The following SPINK14 variants were observed in gnomAD, a reference collection of about 807,000 sequenced individuals.
SPINK14 encodes the protein serine peptidase inhibitor Kazal type 14 (putative).
A neutral mutation model predicts 14.2 loss-of-function variants in SPINK14; 6 were observed. The observed-to-expected ratio is 0.42, with a 90% CI of 0.23 to 0.83. SPINK14 has a LOEUF of 0.83. Ranked by LOEUF, SPINK14 falls within the 40% of genes least tolerant of loss-of-function variation. The pLI is 0.28. For synonymous variants in SPINK14, 34 were observed against 36.8 expected, an observed-to-expected ratio of 0.92 and a Z score of 0.27; for missense variants, 86 against 108.3, an observed-to-expected ratio of 0.79 and a Z score of 0.91.
intron 1 of SPINK14, among the ~76,000 whole-genome samples, chr5:148,169,054 C>T (rs924751997): frequency 6.6e-6 from 1 of 152,056 alleles, no homozygotes; most frequent in Non-Finnish European, 1.5e-5. Flanking sequence ...AAGTCCATCC[C>T]GAGGGAGGAT....
intron 3 of SPINK14, among the ~76,000 whole-genome samples, chr5:148,171,546 A>G (rs949368482): frequency 6.6e-6 from 1 of 152,166 alleles, no homozygotes; most frequent in African/African-American, 2.4e-5. Flanking sequence ...TGTGAGGTCA[A>G]TCGATATTTG....
chr5:148,169,046 G>C (rs1326320049), intron 1 of SPINK14, among the ~76,000 whole-genome samples: 1 of 152,116 alleles, frequency 6.6e-6, no homozygotes, highest in Non-Finnish European at 1.5e-5. Flanking sequence ...TACAAGGAAA[G>C]TCCATCCCGA....
chr5:148,169,977 T>TATATG (rs1561720334), intron 2 of SPINK14, among the ~76,000 whole-genome samples, 178 bp downstream of exon 2: 1 of 106,328 alleles, frequency 9.4e-6, no homozygotes, highest in African/African-American at 3.3e-5. Flanking sequence ...ATATATATAT[T>TATATG]TATATATATA....
chr5:148,175,055 A>G lies in SPINK14; in HGVS notation c.249-298A>G, dbSNP rs1229227043. On this transcript the variant is annotated intron_variant, in intron 4 of 4. Transcript: ENST00000356972. ...AGCCAAAGTGTGAGAGTATTAACAGAATAGTTGAGGATTGACATGCCTCAC... is the reference window on the plus strand; with the variant it reads ...AGCCAAAGTGTGAGAGTATTAACAGGATAGTTGAGGATTGACATGCCTCAC... 6.3e-5 allele frequency among the ~76,000 whole-genome samples: 2 copies of G among 31,746 alleles called. 1 individual carries two copies. The highest frequency in any genetic ancestry group is 1.1e-3 in the East Asian group (2 of 1,800). 20.8% of individuals were successfully genotyped at this position (31,746 alleles called of 152,430 possible).
chr5:148,170,440 C>T (rs1755090095), intron 2 of SPINK14, among the ~76,000 whole-genome samples: 2 of 151,978 alleles, frequency 1.3e-5, no homozygotes, highest in Admixed American at 6.6e-5. Flanking sequence ...ATCTTTTGTG[C>T]CCTCTTCTAG....
chr5:148,173,213 G>T (rs1388644274), intron 3 of SPINK14, among the ~76,000 whole-genome samples: 1 of 151,882 alleles, frequency 6.6e-6, no homozygotes, highest in Non-Finnish European at 1.5e-5. Context: ...CCTACTTTGT[G>T]CGTGAGGTAT....
chr5:148,171,963 T>A (rs1393582342), intron 3 of SPINK14, among the ~76,000 whole-genome samples: 1 of 152,166 alleles, frequency 6.6e-6, no homozygotes, highest in African/African-American at 2.4e-5. Flanking sequence ...TTATTTTCTT[T>A]AAAAAATATT....
chr5:148,170,548 G>C (rs1356174240), intron 2 of SPINK14, among the ~76,000 whole-genome samples: 1 of 151,952 alleles, frequency 6.6e-6, no homozygotes, highest in African/African-American at 2.4e-5. Context: ...GTATTACCCA[G>C]GTGTCTTTCA....
At chr5:148,170,224 A>AGG (rs1561720539) in intron 2 of SPINK14, among the ~76,000 whole-genome samples, 33 of 150,838 alleles carry the variant, frequency 2.2e-4, no homozygotes, top group African/African-American at 7.8e-4. Flanking sequence ...AGAGAGAGAG[A>AGG]GTCTAAAAGA....
At chr5:148,168,978 G>T (rs1008050252) in intron 1 of SPINK14, among the ~76,000 whole-genome samples, 3 of 152,132 alleles carry the variant, frequency 2.0e-5, no homozygotes, top group Non-Finnish European at 4.4e-5. Context: ...AGTTAAATGT[G>T]GTCCTTGGTC....
intron 2 of SPINK14, among the ~76,000 whole-genome samples, chr5:148,170,167 T>TACACACAC (rs1377265238): frequency 7.0e-4 from 69 of 99,246 alleles, no homozygotes; most frequent in African/African-American, 1.9e-3. Context: ...AGTATATATA[T>TACACACAC]ATATATACAC....
intron 4 of SPINK14, 92 bp from the exon 5 acceptor site, chr5:148,175,261 A>C: frequency 1.2e-6 from 1 of 835,106 alleles, no homozygotes; most frequent in Non-Finnish European, 1.9e-6. Flanking sequence ...TCCAAATATA[A>C]AACCAGGTTT....
intron 2 of SPINK14, among the ~76,000 whole-genome samples, chr5:148,170,173 T>TATACAC (rs1554109827): frequency 3.0e-5 from 4 of 133,848 alleles, no homozygotes; most frequent in African/African-American, 1.2e-4. Flanking sequence ...TATATATATA[T>TATACAC]ACACACACAC....
chr5:148,174,941 G>A (rs1281927659), intron 4 of SPINK14, among the ~76,000 whole-genome samples: 1 of 152,076 alleles, frequency 6.6e-6, no homozygotes, highest in African/African-American at 2.4e-5. Flanking sequence ...TCAGATTGGA[G>A]CTCTTAGCCC....
chr5:148,171,364 G>T (rs542184766), intron 3 of SPINK14, among the ~76,000 whole-genome samples: 2 of 152,244 alleles, frequency 1.3e-5, no homozygotes, highest in South Asian at 4.1e-4. Context: ...GATGTACAGA[G>T]AATGCCTATG....
Position 148,175,440 on chromosome 5 carries a change from CCT to C in SPINK14, c.*44_*45del. 6.9e-6 allele frequency: 2 copies of C among 288,202 alleles called. No homozygotes were observed. The highest frequency in any genetic ancestry group is 5.4e-5 in the South Asian group (1 of 18,382). The allele number at this position is 288,202 out of a possible 1,614,324, so 17.9% of individuals were successfully genotyped here. On this transcript the variant is annotated 3_prime_UTR_variant, in exon 5 of 5. Transcript: ENST00000356972. ...GTGGAAGATATCTTCTTTTTTTTTTCCTCCATGTCTCCAATCTCCCTCTTGCG... is the reference window on the plus strand; with the variant it reads ...GTGGAAGATATCTTCTTTTTTTTTTCCCATGTCTCCAATCTCCCTCTTGCG...
intron 2 of SPINK14, among the ~76,000 whole-genome samples, chr5:148,170,519 A>T (rs1338004149): frequency 6.6e-6 from 1 of 152,116 alleles, no homozygotes; most frequent in East Asian, 1.9e-4. Context: ...TTTTTCACAT[A>T]TCTACCAAGA....
intron 2 of SPINK14, among the ~76,000 whole-genome samples, 183 bp from the exon 3 acceptor site, chr5:148,170,747 A>C (rs968448155): frequency 6.6e-6 from 1 of 152,148 alleles, no homozygotes; most frequent in Non-Finnish European, 1.5e-5. Context: ...TGCTGATATC[A>C]ATTAGGAGTA....
At chr5:148,172,267 A>G (rs1266281608) in intron 3 of SPINK14, among the ~76,000 whole-genome samples, 1 of 152,130 alleles carries the variant, frequency 6.6e-6, no homozygotes, top group Non-Finnish European at 1.5e-5. Flanking sequence ...GACCTTACCT[A>G]CCTGGGTCAC....
Sources: gnomAD v4.1 joint callset for allele counts (sites outside exome capture counted in the v4.1 genomes callset) on GRCh38, gnomAD v4.1.1 for gene constraint, MANE v1.5 for transcripts, NCBI Gene and HGNC (gene_info 2026-07-23, HGNC 2026-07-21) for gene names.